Variants in FKBP5 observed in about 807,000 individuals in gnomAD.
FKBP5 encodes the protein FKBP prolyl isomerase 5, also known as peptidyl-prolyl cis-trans isomerase FKBP5.
A neutral mutation model predicts 50.5 loss-of-function variants in FKBP5; 23 were observed. The observed-to-expected ratio is 0.46, with a 90% CI of 0.33 to 0.65. The LOEUF (loss-of-function observed/expected upper bound fraction) is 0.65. Ranked by LOEUF, FKBP5 falls within the 30% of genes least tolerant of loss-of-function variation. The probability of loss-of-function intolerance (pLI) is 0.02; values close to 1 mark genes in which losing one functional copy is unlikely to be tolerated. For missense variants in FKBP5, 411 were observed against 553.1 expected (o/e 0.74, Z 2.58); for synonymous variants, 176 against 190.6 (o/e 0.92, Z 0.63).
chr6:35,707,223 T>TTTG (rs1308941225), intron 2 of FKBP5, among the ~76,000 whole-genome samples: 11 of 148,966 alleles, frequency 7.4e-5, no homozygotes, highest in Non-Finnish European at 1.5e-4. Context: ...GACTTTTTTT[T>TTTG]TTTTTTTTTT....
At chr6:35,652,483 A>T (rs964848557) in intron 1 of FKBP5, among the ~76,000 whole-genome samples, 1 of 152,194 alleles carries the variant, frequency 6.6e-6, no homozygotes, top group Admixed American at 6.5e-5. Flanking sequence ...TAGGTCTCTG[A>T]ACTGGCCCCC....
chr6:35,607,977 C>T (rs1470919820), intron 5 of FKBP5: 1 of 149,136 alleles, frequency 6.7e-6, no homozygotes, highest in Non-Finnish European at 1.5e-5. Context: ...AATAGCTTGA[C>T]AGACTTGAAA....
In FKBP5 at chr6:35,575,629, T is replaced by G. The variant is rs1344491792; in HGVS notation, c.*206A>C. On this transcript the variant is annotated 3_prime_UTR_variant, in exon 11 of 11. Coordinates refer to ENST00000357266, the MANE Select transcript of FKBP5 (RefSeq NM_004117.4). ...CACAGTCATTTCTGTTTGTTCCACC[T>G]GGAGTGGTCCCGTGCCACCCCTCAG... The G allele has an allele frequency of 5.4e-6, 3 of 557,742 alleles. No homozygotes were observed. Among genetic ancestry groups the G allele is most frequent in the Non-Finnish European group, 9.7e-6 (3 of 309,910 alleles). 34.5% of individuals were successfully genotyped at this position (557,742 alleles called of 1,614,324 possible).
intron 2 of FKBP5, among the ~76,000 whole-genome samples, chr6:35,711,109 C>T (rs941655149): frequency 2.0e-5 from 3 of 152,018 alleles, no homozygotes; most frequent in African/African-American, 7.2e-5. Flanking sequence ...GGCTTGAGTC[C>T]GCGAAGTCAA....
chr6:35,575,737 A>G lies in FKBP5; in HGVS notation c.*98T>C. 2 of 879,212 alleles carry G rather than the reference A, an allele frequency of 2.3e-6. No homozygotes were observed. Among genetic ancestry groups the G allele is most frequent in the Non-Finnish European group, 1.9e-6 (1 of 524,286 alleles). The allele number at this position is 879,212 out of a possible 1,614,324, so 54.5% of individuals were successfully genotyped here. ...TTGCTTCCAGAATCACATAGACTAT[A>G]ACAAACTTTACATTAAACACTGTTC... is the stretch of plus-strand genomic sequence containing the variant. On this transcript the variant is annotated 3_prime_UTR_variant, in exon 11 of 11. Transcript: ENST00000357266.
rs76171257 is a variant in FKBP5, at chr6:35,595,239, T to G, written c.665+2009A>C. 3.8e-4 allele frequency among the ~76,000 whole-genome samples: 58 copies of G among 152,338 alleles called. 1 individual carries two copies. Among genetic ancestry groups the G allele is most frequent in the African/African-American group, 1.4e-3 (57 of 41,584 alleles). On this transcript the variant is annotated intron_variant, in intron 6 of 10. Transcript: ENST00000357266. ...TAAAAAATTTAAAGACAATTTCTAT[T>G]TTTCTTTGTCACTAAACTTGAGACA... is the stretch of plus-strand genomic sequence containing the variant.
At chr6:35,645,424 C>T (rs1005352046) in intron 1 of FKBP5, among the ~76,000 whole-genome samples, 4 of 151,796 alleles carry the variant, frequency 2.6e-5, no homozygotes, top group African/African-American at 9.7e-5. Flanking sequence ...AGGGTGAGAC[C>T]CCATCTCTTA....
In FKBP5 at chr6:35,597,364, G is replaced by A. The variant is rs377385577; in HGVS notation, c.549C>T (p.Cys183=). ...CGCCCACAGTGAATGCCACATCTCTGCAGTCAAACATCCTTCCACCACAGC... is the reference window on the plus strand; with the variant it reads ...CGCCCACAGTGAATGCCACATCTCTACAGTCAAACATCCTTCCACCACAGC... The part of the protein sequence containing the change: ...EGRCGGRMFD[C]RDVAFTVGEG... The change falls in exon 6 of 11, where the codon TGC becomes TGT. Residue 183 remains cysteine (C), a synonymous_variant. Transcript: ENST00000357266. 84 of 1,613,998 alleles carry A rather than the reference G, an allele frequency of 5.2e-5. 1 individual carries two copies. In the Middle Eastern group the frequency reaches 1.3e-3, roughly 25 times the overall value.
At chr6:35,687,567 C>T (rs1292183520) in intron 1 of FKBP5, among the ~76,000 whole-genome samples, 1 of 152,150 alleles carries the variant, frequency 6.6e-6, no homozygotes, top group Non-Finnish European at 1.5e-5. Context: ...TTTAACTTTT[C>T]CCTTGTCCAC....
chr6:35,632,317 G>A lies in FKBP5; in HGVS notation c.250+4697C>T, dbSNP rs140763731. On this transcript the variant is annotated intron_variant, in intron 3 of 10. Transcript: ENST00000357266. ...CAAGATGGCTGAGCATTGTTTCCAA[G>A]GTTTGTACGCATGCATAGTCAACAG... Among the ~76,000 whole-genome samples the A allele has an allele frequency of 1.5e-4, 23 of 152,150 alleles. No homozygotes were observed. In the East Asian group the frequency reaches 2.9e-3, roughly 19 times the overall value.
chr6:35,580,523 AGTCT>A (rs2150951642), intron 8 of FKBP5: 1 of 82,606 alleles, frequency 1.2e-5, no homozygotes. Flanking sequence ...AATATTCTTT[AGTCT>A]TTTTTTTTTT....
chr6:35,596,224 G>A (rs946949900), intron 6 of FKBP5, among the ~76,000 whole-genome samples: 1 of 151,972 alleles, frequency 6.6e-6, no homozygotes, highest in Non-Finnish European at 1.5e-5. Flanking sequence ...GCATGGTGGC[G>A]GGTGCCTGTA....
At chr6:35,625,362 G>A (rs1763962609) in intron 3 of FKBP5, among the ~76,000 whole-genome samples, 1 of 152,044 alleles carries the variant, frequency 6.6e-6, no homozygotes, top group Admixed American at 6.5e-5. Flanking sequence ...TGGGATTACA[G>A]GTGTGAGTCA....
intron 3 of FKBP5, among the ~76,000 whole-genome samples, chr6:35,627,512 G>T (rs980812645): frequency 5.9e-5 from 9 of 151,954 alleles, no homozygotes; most frequent in Non-Finnish European, 5.9e-5. Flanking sequence ...TGTATTCTGG[G>T]TATTAATCCC....
At chr6:35,675,057 G>A (rs1765489488) in intron 1 of FKBP5, among the ~76,000 whole-genome samples, 1 of 152,244 alleles carries the variant, frequency 6.6e-6, no homozygotes, top group Admixed American at 6.5e-5. Context: ...AATATTTAGT[G>A]AAGACATACT....
intron 3 of FKBP5, among the ~76,000 whole-genome samples, chr6:35,623,061 T>C (rs1318909693): frequency 6.6e-6 from 1 of 152,072 alleles, no homozygotes; most frequent in Non-Finnish European, 1.5e-5. Flanking sequence ...GCTCACACGG[T>C]GAAACCCCAT....
intron 1 of FKBP5, among the ~76,000 whole-genome samples, chr6:35,655,709 T>C (rs75904817): frequency 0.023 from 3,471 of 152,278 alleles, 87 homozygotes; most frequent in African/African-American, 0.054. Context: ...TGAAATACCA[T>C]TACAAGCTAA....
chr6:35,580,582 G>A (rs1762397500), intron 8 of FKBP5: 1 of 144,040 alleles, frequency 6.9e-6, no homozygotes, highest in Admixed American at 7.9e-5. Flanking sequence ...ACTGTCTCCA[G>A]GGCTGGAGTG....
chr6:35,700,686 G>A (rs1377210809), intron 2 of FKBP5, among the ~76,000 whole-genome samples: 2 of 152,140 alleles, frequency 1.3e-5, no homozygotes. Context: ...GGCCAGGCAC[G>A]GTGGCTCACG....
Sources: gnomAD v4.1 joint callset for allele counts (sites outside exome capture counted in the v4.1 genomes callset) on GRCh38, gnomAD v4.1.1 for gene constraint, MANE v1.5 for transcripts, NCBI Gene and HGNC (gene_info 2026-07-23, HGNC 2026-07-21) for gene names.